PDSS1: variants seen among roughly 807,000 people sequenced by gnomAD.
PDSS1 encodes the protein all trans-polyprenyl-diphosphate synthase PDSS1.
In PDSS1, 43 loss-of-function variants were observed where a neutral mutation model predicts 57.5. The observed-to-expected ratio is 0.75, with a 90% CI of 0.59 to 0.96. The LOEUF is 0.96. Among genes scored for constraint, PDSS1 ranks in the 50% least tolerant of loss-of-function variants. PDSS1 has a pLI of 0.00. For synonymous variants in PDSS1, 175 were observed against 191.3 expected (o/e 0.91, Z 0.70); for missense variants, 438 against 527.8 (o/e 0.83, Z 1.67).
chr10:26,733,476 G>A (rs531522598), intron 8 of PDSS1, among the ~76,000 whole-genome samples: 2 of 152,268 alleles, frequency 1.3e-5, no homozygotes, highest in Admixed American at 6.5e-5. Context: ...CAACTCAGTG[G>A]CCACCTGACC....
chr10:26,727,730 A>T (rs771701583), intron 8 of PDSS1, among the ~76,000 whole-genome samples: 1 of 152,078 alleles, frequency 6.6e-6, no homozygotes, highest in Non-Finnish European at 1.5e-5. Context: ...CCAGTTGTGA[A>T]CTGTTATAAC....
rs534760090 is a variant in PDSS1 at position 26,717,248 on chromosome 10, G to A, written c.468-2970G>A. On this transcript the variant is annotated intron_variant, in intron 5 of 11. Coordinates refer to ENST00000376215, the MANE Select transcript of PDSS1 (RefSeq NM_014317.5). ...TTTTATTCTATTTATTTATTTATTCGGAGACAGAGTCTCGCTCTACCCCCC... is the reference window on the plus strand; with the variant it reads ...TTTTATTCTATTTATTTATTTATTCAGAGACAGAGTCTCGCTCTACCCCCC... Among the ~76,000 whole-genome samples, 9 of 151,116 alleles carry A rather than the reference G, an allele frequency of 6.0e-5. No individual in the cohort carries two copies. The South Asian group carries it at 1.0e-3, about 18-fold the overall frequency.
chr10:26,735,112 T>C (rs1484502568), intron 8 of PDSS1, 128 bp from the exon 9 acceptor site: 3 of 756,304 alleles, frequency 4.0e-6, no homozygotes. Flanking sequence ...CCCTCTGATG[T>C]CAGCATCTCC....
intron 2 of PDSS1, among the ~76,000 whole-genome samples, chr10:26,703,820 G>A (rs930818566): frequency 3.3e-5 from 5 of 151,896 alleles, no homozygotes; most frequent in Non-Finnish European, 7.4e-5. Context: ...GGTGGCTCAC[G>A]CCTGTAATCC....
chr10:26,721,092 G>A (rs537779843), intron 6 of PDSS1, among the ~76,000 whole-genome samples: 1 of 152,162 alleles, frequency 6.6e-6, no homozygotes, highest in African/African-American at 2.4e-5. Flanking sequence ...GATCACCTGA[G>A]GTCAGGAGTT....
intron 5 of PDSS1, among the ~76,000 whole-genome samples, chr10:26,718,269 C>G (rs867451809): frequency 5.9e-5 from 9 of 152,010 alleles, no homozygotes; most frequent in African/African-American, 2.2e-4. Context: ...TCTCGAACTC[C>G]TGACCTCAAG....
At position 26,710,970 on chromosome 10, in the gene PDSS1, C is replaced by T. The variant is rs929301678; in HGVS notation, c.467+1202C>T. ...GTGAGAGGACTCTTTGTAGCCAAGG[C>T]AATCCTTGAAGAGGCTAAGAAATGA... On this transcript the variant is annotated intron_variant, in intron 5 of 11. Transcript: ENST00000376215. Among the ~76,000 whole-genome samples the T allele has an allele frequency of 1.1e-4, 11 of 98,396 alleles. 3 individuals carry two copies. The highest frequency in any genetic ancestry group is 3.6e-4 in the African/African-American group (11 of 30,186). The allele number at this position is 98,396 out of a possible 152,430, so 64.6% of individuals were successfully genotyped here.
intron 8 of PDSS1, among the ~76,000 whole-genome samples, chr10:26,729,822 A>G (rs1017806086): frequency 2.0e-5 from 3 of 151,576 alleles, no homozygotes; most frequent in Admixed American, 6.6e-5. Context: ...TTTCTATCCT[A>G]CTGCTCAAGG....
intron 5 of PDSS1, among the ~76,000 whole-genome samples, chr10:26,716,454 G>A (rs1353493462): frequency 6.6e-6 from 1 of 152,132 alleles, no homozygotes; most frequent in Admixed American, 6.5e-5. Context: ...CACTCTGGGA[G>A]GCCAAGGCAG....
At position 26,746,408 on chromosome 10, in the gene PDSS1, C is replaced by T. The variant is rs975467562; in HGVS notation, c.1183C>T (p.Arg395Ter). Residue 395 changes from arginine to a stop codon, truncating the protein, a stop_gained, in exon 12 of 12, where the codon CGA (arginine) becomes TGA (stop). Transcript: ENST00000376215. LOFTEE classifies it high-confidence loss of function. ...AGCAATAAGAGAGATCAGTAAACTT[C>T]GACCATCCCCAGAAAGAGATGCCCT... ...HEAIREISKL[R>*]PSPERDALIQ... 6 of 1,614,024 alleles carry T rather than the reference C, an allele frequency of 3.7e-6. No individual in the cohort carries two copies. Among genetic ancestry groups the T allele is most frequent in the African/African-American group, 2.7e-5 (2 of 75,040 alleles).
At position 26,711,526 on chromosome 10, in the gene PDSS1, C is replaced by T. The variant is rs150371059; in HGVS notation, c.467+1758C>T. ...AAGCAGTGAAATCTCTGGCATTGAC[C>T]TTTAACCATTGTCAGGACCACTTTC... is the stretch of plus-strand genomic sequence containing the variant. On this transcript the variant is annotated intron_variant, in intron 5 of 11. Transcript: ENST00000376215. Among the ~76,000 whole-genome samples, 439 of 99,228 alleles carry T rather than the reference C, an allele frequency of 4.4e-3. 124 individuals are homozygous for T. Among genetic ancestry groups the T allele is most frequent in the African/African-American group, 0.013 (413 of 30,648 alleles). The allele number at this position is 99,228 out of a possible 152,430, so 65.1% of individuals were successfully genotyped here. A position where few individuals can be genotyped will look rare whatever the true frequency, so the allele number is the denominator to read the frequency against.
chr10:26,742,906 C>G (rs992664873), intron 11 of PDSS1, among the ~76,000 whole-genome samples: 10 of 152,182 alleles, frequency 6.6e-5, no homozygotes, highest in Non-Finnish European at 2.9e-5. Context: ...TGTCCATCAA[C>G]AGAATCACTG....
intron 10 of PDSS1, among the ~76,000 whole-genome samples, chr10:26,738,039 T>G (rs1009196450): frequency 1.3e-5 from 2 of 152,232 alleles, no homozygotes; most frequent in African/African-American, 4.8e-5. Context: ...GTTAGCCAAG[T>G]ATGTATTTAT....
chr10:26,715,738 G>C (rs1835552354), intron 5 of PDSS1: 1 of 152,146 alleles, frequency 6.6e-6, no homozygotes, highest in South Asian at 2.1e-4. Flanking sequence ...TGAAAGAACT[G>C]AATGCTGGTT....
chr10:26,746,541 T>G lies in PDSS1; in HGVS notation c.*68T>G, dbSNP rs1186207014. 1.3e-6 allele frequency: 2 copies of G among 1,522,730 alleles called. No homozygotes were observed. Among genetic ancestry groups the G allele is most frequent in the Admixed American group, 1.7e-5 (1 of 59,872 alleles). 94.3% of individuals were successfully genotyped at this position (1,522,730 alleles called of 1,614,324 possible). A position where few individuals can be genotyped will look rare whatever the true frequency, so the allele number is the denominator to read the frequency against. On this transcript the variant is annotated 3_prime_UTR_variant, in exon 12 of 12. Transcript: ENST00000376215. ...GCCTAAAGAATTTTGTGGAATACAC[T>G]TTGTTTGCTTCATGTGCAGATAACC...
At chr10:26,701,812 A>C (rs919535233) in intron 1 of PDSS1, 8 of 454,010 alleles carry the variant, frequency 1.8e-5, no homozygotes, top group Non-Finnish European at 2.6e-5. Flanking sequence ...TAGACCCCAG[A>C]ATGGTAGGTC....
At chr10:26,704,882 C>T in intron 3 of PDSS1, 141 bp downstream of exon 3, 1 of 646,774 alleles carries the variant, frequency 1.5e-6, no homozygotes, top group Non-Finnish European at 2.8e-6. Flanking sequence ...AGCTATCCTC[C>T]CACCCTCAGG....
At chr10:26,723,971 G>A (rs1564427541) in intron 7 of PDSS1, 43 bp from the exon 8 acceptor site, 3 of 1,585,040 alleles carry the variant, frequency 1.9e-6, no homozygotes, top group Non-Finnish European at 2.6e-6. Flanking sequence ...GTTTAGCCAG[G>A]CAATAAAGCC....
At chr10:26,730,396 G>A (rs1836141413) in intron 8 of PDSS1, among the ~76,000 whole-genome samples, 1 of 151,808 alleles carries the variant, frequency 6.6e-6, no homozygotes, top group Non-Finnish European at 1.5e-5. Context: ...GATTGCTTGA[G>A]CCCAGGAGTT....
Sources: gnomAD v4.1 joint callset for allele counts (sites outside exome capture counted in the v4.1 genomes callset) on GRCh38, gnomAD v4.1.1 for gene constraint, MANE v1.5 for transcripts, NCBI Gene and HGNC (gene_info 2026-07-23, HGNC 2026-07-21) for gene names.